ZFPM2: variants seen among roughly 807,000 people sequenced by gnomAD.
ZFPM2 encodes the protein zinc finger protein, FOG family member 2, also known as zinc finger protein ZFPM2.
Under a neutral mutation model 98.6 loss-of-function variants are expected in ZFPM2, and 20 were observed. The observed-to-expected ratio is 0.20, with a 90% CI of 0.14 to 0.29. The LOEUF (loss-of-function observed/expected upper bound fraction) is 0.29. Among genes scored for constraint, ZFPM2 ranks in the 10% least tolerant of loss-of-function variants. The pLI, the probability that ZFPM2 is intolerant of heterozygous loss-of-function variation, is 1.00. For synonymous variants in ZFPM2, 518 were observed against 502.7 expected (o/e 1.03, Z -0.41); for missense variants, 1,310 against 1,388.6 (o/e 0.94, Z 0.90).
chr8:105,521,922 T>A (rs1395319679), intron 3 of ZFPM2, among the ~76,000 whole-genome samples: 1 of 152,198 alleles, frequency 6.6e-6, no homozygotes, highest in Admixed American at 6.5e-5. Flanking sequence ...AGAACTTGCC[T>A]TCTATGGATA....
chr8:105,347,449 G>T (rs1385056759), intron 1 of ZFPM2, among the ~76,000 whole-genome samples: 1 of 152,132 alleles, frequency 6.6e-6, no homozygotes, highest in Non-Finnish European at 1.5e-5. Flanking sequence ...TGCATATTCA[G>T]TATGAAATGT....
intron 5 of ZFPM2, among the ~76,000 whole-genome samples, chr8:105,725,229 G>T (rs372745518): frequency 2.6e-5 from 4 of 151,548 alleles, no homozygotes; most frequent in East Asian, 2.0e-4. Context: ...AGTTATCTTT[G>T]TGCATCAACC....
At chr8:105,490,949 A>G (rs1586411427) in intron 3 of ZFPM2, among the ~76,000 whole-genome samples, 1 of 152,316 alleles carries the variant, frequency 6.6e-6, no homozygotes, top group East Asian at 1.9e-4. Context: ...TTGAAATAAA[A>G]TGATAATTTT....
rs146077602 is a variant in ZFPM2 at position 105,469,792 on chromosome 8, C to A, written c.301+25411C>A. 4.4e-3 allele frequency among the ~76,000 whole-genome samples: 674 copies of A among 152,234 alleles called. 2 individuals are homozygous for A. Among genetic ancestry groups the A allele is most frequent in the Non-Finnish European group, 6.9e-3 (469 of 68,012 alleles). ...CTATGATGGGATTCTGTTATTAAGC[C>A]CATGTTTTGTGCATGGGTTATATAT... On this transcript the variant is annotated intron_variant, in intron 3 of 7. Coordinates refer to ENST00000407775, the MANE Select transcript of ZFPM2 (RefSeq NM_012082.4).
At chr8:105,412,359 T>A (rs1486345416) in intron 1 of ZFPM2, among the ~76,000 whole-genome samples, 1 of 151,780 alleles carries the variant, frequency 6.6e-6, no homozygotes, top group Non-Finnish European at 1.5e-5. Context: ...TCAGGTAATT[T>A]CCTTCAACTT....
chr8:105,576,215 G>A (rs1455817037), intron 4 of ZFPM2, among the ~76,000 whole-genome samples: 2 of 151,986 alleles, frequency 1.3e-5, no homozygotes, highest in Admixed American at 6.6e-5. Context: ...AAGAAAAGTG[G>A]GCATCAAGTC....
intron 1 of ZFPM2, among the ~76,000 whole-genome samples, chr8:105,370,766 G>T (rs1248471285): frequency 6.6e-6 from 1 of 152,216 alleles, no homozygotes; most frequent in Non-Finnish European, 1.5e-5. Context: ...TGTATGTGCT[G>T]TATTTTATGC....
intron 4 of ZFPM2, among the ~76,000 whole-genome samples, chr8:105,626,789 C>T (rs1459058773): frequency 6.6e-6 from 1 of 152,082 alleles, no homozygotes; most frequent in African/African-American, 2.4e-5. Context: ...GATCTGTTAC[C>T]CAGTTAAGGA....
chr8:105,344,393 G>A (rs1289043936), intron 1 of ZFPM2, among the ~76,000 whole-genome samples: 3 of 152,120 alleles, frequency 2.0e-5, no homozygotes, highest in Non-Finnish European at 4.4e-5. Context: ...AAATATTTTA[G>A]CTGCAATTTT....
intron 5 of ZFPM2, among the ~76,000 whole-genome samples, chr8:105,670,703 A>G (rs1385486257): frequency 6.6e-6 from 1 of 152,140 alleles, no homozygotes; most frequent in Non-Finnish European, 1.5e-5. Flanking sequence ...TCTAAAATAC[A>G]TATTGCTTGC....
chr8:105,664,837 T>C (rs1483053178), intron 5 of ZFPM2, among the ~76,000 whole-genome samples: 1 of 152,056 alleles, frequency 6.6e-6, no homozygotes, highest in African/African-American at 2.4e-5. Flanking sequence ...AGTACTGTGG[T>C]TTTATTATAG....
intron 4 of ZFPM2, among the ~76,000 whole-genome samples, chr8:105,613,188 C>A (rs1018591726): frequency 2.0e-5 from 3 of 152,086 alleles, no homozygotes; most frequent in African/African-American, 7.2e-5. Context: ...TTGTTCAATA[C>A]GTCAGCATAG....
At chr8:105,529,001 G>C (rs1321529660) in intron 3 of ZFPM2, 1 of 152,142 alleles carries the variant, frequency 6.6e-6, no homozygotes, top group Non-Finnish European at 1.5e-5. Flanking sequence ...GTTTATTCTA[G>C]AGCTTCCATA....
chr8:105,769,549 G>A (rs1275082043), intron 5 of ZFPM2, among the ~76,000 whole-genome samples: 1 of 151,936 alleles, frequency 6.6e-6, no homozygotes, highest in Non-Finnish European at 1.5e-5. Flanking sequence ...GCTTGGGAGG[G>A]GGGCTTAGGT....
At chr8:105,322,808 G>C (rs1449936988) in intron 1 of ZFPM2, among the ~76,000 whole-genome samples, 1 of 152,058 alleles carries the variant, frequency 6.6e-6, no homozygotes, top group Non-Finnish European at 1.5e-5. Flanking sequence ...TAGCAGTTCG[G>C]TAGAGGGTCT....
intron 1 of ZFPM2, among the ~76,000 whole-genome samples, chr8:105,331,957 A>G (rs1177066584): frequency 6.6e-6 from 1 of 151,764 alleles, no homozygotes; most frequent in African/African-American, 2.4e-5. Context: ...ACTTTTGATC[A>G]TGGACTACCA....
At chr8:105,485,361 A>G (rs150440617) in intron 3 of ZFPM2, among the ~76,000 whole-genome samples, 12 of 152,136 alleles carry the variant, frequency 7.9e-5, no homozygotes, top group African/African-American at 2.9e-4. Context: ...TTTTTTAGAA[A>G]GGCTGTCATT....
chr8:105,684,230 A>G (rs1366545754), intron 5 of ZFPM2, among the ~76,000 whole-genome samples: 1 of 152,140 alleles, frequency 6.6e-6, no homozygotes, highest in African/African-American at 2.4e-5. Flanking sequence ...TTATTACTTA[A>G]TTTGTTATAT....
intron 5 of ZFPM2, among the ~76,000 whole-genome samples, chr8:105,653,493 A>G (rs1817221703): frequency 6.6e-6 from 1 of 152,230 alleles, no homozygotes; most frequent in Admixed American, 6.5e-5. Flanking sequence ...TTAACACATA[A>G]TGTGCCAAGC....
Sources: allele counts gnomAD v4.1 joint callset (sites outside exome capture counted in the v4.1 genomes callset), GRCh38; gene constraint gnomAD v4.1.1; transcripts MANE v1.5; gene names NCBI Gene and HGNC (gene_info 2026-07-23, HGNC 2026-07-21).